IMMP2L: variants seen among roughly 807,000 people sequenced by gnomAD.
IMMP2L encodes the protein mitochondrial inner membrane protease subunit 2.
IMMP2L carries 18 observed loss-of-function variants against 19.3 expected under a neutral mutation model. That is an observed-to-expected ratio of 0.93 (90% CI 0.64 to 1.38). IMMP2L has a LOEUF of 1.38. Ranked by LOEUF, IMMP2L falls within the 40% of genes most tolerant of loss-of-function variation. The pLI is 0.00. For missense variants in IMMP2L, 233 were observed against 218.2 expected, an observed-to-expected ratio of 1.07 and a Z score of -0.43; for synonymous variants, 76 against 73.0, an observed-to-expected ratio of 1.04 and a Z score of -0.21.
At chr7:110,846,359 T>TG (rs1805668729) in intron 5 of IMMP2L, among the ~76,000 whole-genome samples, 1 of 129,942 alleles carries the variant, frequency 7.7e-6, no homozygotes, top group African/African-American at 2.7e-5. Context: ...TTTTTTTTTT[T>TG]TTTTTTTTTG....
At chr7:110,701,181 C>T (rs1794262088) in intron 5 of IMMP2L, among the ~76,000 whole-genome samples, 1 of 152,100 alleles carries the variant, frequency 6.6e-6, no homozygotes, top group Non-Finnish European at 1.5e-5. Flanking sequence ...ATTATTCACC[C>T]TAACCTATCA....
At chr7:110,869,456 A>G (rs1241657595) in intron 5 of IMMP2L, among the ~76,000 whole-genome samples, 1 of 152,132 alleles carries the variant, frequency 6.6e-6, no homozygotes, top group African/African-American at 2.4e-5. Flanking sequence ...ACATACGTGC[A>G]CTTACATACA....
intron 3 of IMMP2L, among the ~76,000 whole-genome samples, chr7:111,439,032 G>A (rs984901186): frequency 6.6e-6 from 1 of 151,862 alleles, no homozygotes; most frequent in African/African-American, 2.4e-5. Flanking sequence ...TGGACACAAT[G>A]TGAAATCAAG....
chr7:111,271,490 C>G (rs75260752), intron 3 of IMMP2L, among the ~76,000 whole-genome samples: 6,638 of 152,262 alleles, frequency 0.044, 223 homozygotes, highest in South Asian at 0.082. Context: ...TCTCAAGCTT[C>G]AGTGTACATC....
At chr7:110,777,753 C>T (rs1200924291) in intron 5 of IMMP2L, among the ~76,000 whole-genome samples, 2 of 151,906 alleles carry the variant, frequency 1.3e-5, no homozygotes, top group African/African-American at 4.8e-5. Flanking sequence ...TCCATATTGA[C>T]AGTTACAAGG....
chr7:111,371,809 T>C (rs753773366), intron 3 of IMMP2L, among the ~76,000 whole-genome samples: 6 of 152,024 alleles, frequency 3.9e-5, no homozygotes, highest in Non-Finnish European at 8.8e-5. Flanking sequence ...TAGGCTCAGC[T>C]TAGGCAACTA....
At chr7:110,799,804 T>C (rs192588911) in intron 5 of IMMP2L, among the ~76,000 whole-genome samples, 382 of 152,140 alleles carry the variant, frequency 2.5e-3, no homozygotes, top group Non-Finnish European at 4.1e-3. Flanking sequence ...ATATCGATGG[T>C]TTTGTCTGAA....
intron 5 of IMMP2L, among the ~76,000 whole-genome samples, chr7:110,688,494 G>C (rs576698697): frequency 6.6e-6 from 1 of 151,702 alleles, no homozygotes; most frequent in African/African-American, 2.4e-5. Context: ...TATAAAAATG[G>C]ATTAAATATA....
intron 5 of IMMP2L, among the ~76,000 whole-genome samples, chr7:110,694,264 A>AT: frequency 6.6e-6 from 1 of 152,206 alleles, no homozygotes; most frequent in Non-Finnish European, 1.5e-5. Context: ...GTTCTGGGTG[A>AT]TGACTTATGA....
rs571842607 is a variant in IMMP2L at position 111,343,114 on chromosome 7, A to G, written c.239+144124T>C. Among the ~76,000 whole-genome samples the G allele has an allele frequency of 4.6e-5, 7 of 152,228 alleles. No individual in the cohort carries two copies. In the East Asian group the frequency reaches 1.4e-3, roughly 29 times the overall value. Reference sequence around the variant, plus strand: ...ACTAGACTTTTGCAGAATATTATCAACAAATATTTATTGAGTGGTTGTATC... The same window carrying G: ...ACTAGACTTTTGCAGAATATTATCAGCAAATATTTATTGAGTGGTTGTATC... On this transcript the variant is annotated intron_variant, in intron 3 of 5. Transcript: ENST00000405709.
intron 5 of IMMP2L, among the ~76,000 whole-genome samples, chr7:110,815,214 T>C (rs1584914045): frequency 1.3e-5 from 2 of 152,148 alleles, no homozygotes; most frequent in South Asian, 4.1e-4. Context: ...TCTGCATCTA[T>C]TGAGATAATC....
chr7:111,557,597 C>CTGGT (rs1389085175), intron 1 of IMMP2L, among the ~76,000 whole-genome samples: 3 of 152,150 alleles, frequency 2.0e-5, no homozygotes, highest in African/African-American at 7.2e-5. Flanking sequence ...AAACCCTTAC[C>CTGGT]TGGTATTGCA....
intron 3 of IMMP2L, among the ~76,000 whole-genome samples, chr7:111,232,765 C>T (rs1813854092): frequency 6.6e-6 from 1 of 152,048 alleles, no homozygotes; most frequent in Non-Finnish European, 1.5e-5. Context: ...TCCTTGTTTA[C>T]AAGATAAATA....
At chr7:111,517,870 A>T (rs1846003279) in intron 2 of IMMP2L, among the ~76,000 whole-genome samples, 1 of 152,140 alleles carries the variant, frequency 6.6e-6, no homozygotes, top group Non-Finnish European at 1.5e-5. Flanking sequence ...ATAGGTCAGT[A>T]TGAATAATCA....
chr7:110,861,069 TTGTGTGTGTGTG>T (rs754363475), intron 5 of IMMP2L, among the ~76,000 whole-genome samples: 1 of 129,030 alleles, frequency 7.8e-6, no homozygotes, highest in Non-Finnish European at 1.6e-5. Flanking sequence ...CACCAGCAGT[TTGTGTGTGTGTG>T]TGTGTGTGTG....
At chr7:111,366,222 C>T (rs1280905800) in intron 3 of IMMP2L, among the ~76,000 whole-genome samples, 2 of 151,270 alleles carry the variant, frequency 1.3e-5, no homozygotes, top group South Asian at 2.1e-4. Context: ...CTTCCAGATG[C>T]GATGCCTGGA....
intron 3 of IMMP2L, among the ~76,000 whole-genome samples, chr7:111,385,883 G>A (rs566011849): frequency 7.2e-5 from 11 of 151,956 alleles, no homozygotes; most frequent in Non-Finnish European, 1.6e-4. Context: ...GTAAGGCGGG[G>A]TGAAGGAATA....
At chr7:110,798,171 AG>A (rs1279084914) in intron 5 of IMMP2L, among the ~76,000 whole-genome samples, 4 of 151,958 alleles carry the variant, frequency 2.6e-5, no homozygotes, top group African/African-American at 9.7e-5. Flanking sequence ...ACACAATTAC[AG>A]GAAAAAAAAG....
chr7:111,065,965 T>C (rs1360923257), intron 3 of IMMP2L, among the ~76,000 whole-genome samples: 1 of 150,870 alleles, frequency 6.6e-6, no homozygotes, highest in Admixed American at 6.6e-5. Context: ...GGCTTTTGTC[T>C]GTCTCCCATA....
Sources: gnomAD v4.1 joint callset for allele counts (sites outside exome capture counted in the v4.1 genomes callset) on GRCh38, gnomAD v4.1.1 for gene constraint, MANE v1.5 for transcripts, NCBI Gene and HGNC (gene_info 2026-07-23, HGNC 2026-07-21) for gene names.